Variants in TATDN1 observed in about 807,000 individuals in gnomAD.
TATDN1 encodes TatD DNase domain containing 1, also known as deoxyribonuclease TATDN1.
In TATDN1, 40 loss-of-function variants were observed where a neutral mutation model predicts 46.4. The ratio of observed to expected loss-of-function variants is 0.86; its 90% CI spans 0.67 to 1.12. The LOEUF is 1.12. TATDN1 is among the 50% of genes most tolerant of loss of function. The probability of loss-of-function intolerance (pLI) is 0.00; values close to 1 mark genes in which losing one functional copy is unlikely to be tolerated. For synonymous variants in TATDN1, 95 were observed against 105.6 expected (o/e 0.90, Z 0.62); for missense variants, 326 against 348.4 (o/e 0.94, Z 0.51).
intron 1 of TATDN1, among the ~76,000 whole-genome samples, chr8:124,531,531 C>T (rs1251278548): frequency 4.6e-5 from 7 of 152,010 alleles, no homozygotes; most frequent in African/African-American, 1.5e-4. Context: ...GTGGGAACAC[C>T]CTAGATAGGA....
chr8:124,536,590 G>A (rs796530328), intron 1 of TATDN1, among the ~76,000 whole-genome samples: 3 of 152,300 alleles, frequency 2.0e-5, no homozygotes, highest in African/African-American at 7.2e-5. Context: ...CTAAGGGGCA[G>A]CCACTTGTTA....
intron 9 of TATDN1, among the ~76,000 whole-genome samples, chr8:124,499,738 G>GT (rs1358693761): frequency 2.0e-5 from 3 of 151,356 alleles, no homozygotes; most frequent in Non-Finnish European, 4.4e-5. Flanking sequence ...TAGAGACAGG[G>GT]TTTCACTTTG....
At chr8:124,515,598 T>G in intron 6 of TATDN1, 148 bp downstream of exon 6, 1 of 679,608 alleles carries the variant, frequency 1.5e-6, no homozygotes, top group Non-Finnish European at 2.5e-6. Context: ...CAAGTATGCA[T>G]GGAATTTGTT....
chr8:124,518,786 T>C (rs76737368), intron 4 of TATDN1, 32 bp downstream of exon 4: 12 of 1,046,380 alleles, frequency 1.1e-5, no homozygotes, highest in East Asian at 6.3e-5. Context: ...ACTTAATTCA[T>C]TTTTTTTTTG....
At chr8:124,504,571 T>C (rs1021823637) in intron 8 of TATDN1, 46 of 330,428 alleles carry the variant, frequency 1.4e-4, no homozygotes, top group African/African-American at 9.4e-4. Context: ...CTGCCGAGAA[T>C]TTCTCTCTTT....
intron 1 of TATDN1, among the ~76,000 whole-genome samples, chr8:124,531,708 C>A (rs1820973535): frequency 6.6e-6 from 1 of 151,992 alleles, no homozygotes; most frequent in African/African-American, 2.4e-5. Context: ...TTAAGGGACC[C>A]TAGGGGAGAG....
chr8:124,494,133 A>G (rs1353489619), intron 10 of TATDN1, 174 bp from the exon 11 acceptor site: 3 of 537,452 alleles, frequency 5.6e-6, no homozygotes, highest in Non-Finnish European at 9.2e-6. Context: ...CTTGAATTGC[A>G]TCTTAAATAC....
intron 1 of TATDN1, among the ~76,000 whole-genome samples, chr8:124,534,144 T>TC (rs1821220129): frequency 4.7e-5 from 1 of 21,190 alleles, no homozygotes. Flanking sequence ...AGACTCCGTC[T>TC]CAAAAAAAAA....
intron 1 of TATDN1, among the ~76,000 whole-genome samples, chr8:124,529,392 A>C (rs1251253731): frequency 6.6e-6 from 1 of 152,162 alleles, no homozygotes; most frequent in Non-Finnish European, 1.5e-5. Context: ...GCCAACACAG[A>C]CCTTTTAGTT....
rs1231042493 is a variant in TATDN1 at position 124,495,368 on chromosome 8, TA to T, written c.664+103del. The T allele has an allele frequency of 4.8e-6, 4 of 832,654 alleles. No homozygotes were observed. In the African/African-American group the frequency reaches 5.2e-5, roughly 11 times the overall value. The allele number at this position is 832,654 out of a possible 1,614,324, so 51.6% of individuals were successfully genotyped here. ...ATTGTTGAGGTTGAGCATGCTGTTT[TA>T]AAATACTTGTTCACTTAAAGTTTGA... On this transcript the variant is annotated intron_variant, in intron 10 of 11. Coordinates refer to ENST00000276692, the MANE Select transcript of TATDN1 (RefSeq NM_032026.4).
chr8:124,530,101 C>G (rs1820833831), intron 1 of TATDN1, among the ~76,000 whole-genome samples: 2 of 151,468 alleles, frequency 1.3e-5, no homozygotes, highest in South Asian at 4.2e-4. Context: ...AAAAAAAAAC[C>G]ATAAAAAACC....
chr8:124,528,974 C>T (rs1820731563), intron 1 of TATDN1, among the ~76,000 whole-genome samples: 1 of 152,218 alleles, frequency 6.6e-6, no homozygotes, highest in Non-Finnish European at 1.5e-5. Flanking sequence ...CTGGGCCCCA[C>T]AGTGAAGGTT....
At chr8:124,497,006 AC>A (rs1817520475) in intron 9 of TATDN1, among the ~76,000 whole-genome samples, 1 of 152,068 alleles carries the variant, frequency 6.6e-6, no homozygotes, top group Non-Finnish European at 1.5e-5. Context: ...TTTAAGAAAA[AC>A]CCAAATCTTC....
chr8:124,511,625 T>C lies in TATDN1; in HGVS notation c.390-2937A>G, dbSNP rs548802106. On this transcript the variant is annotated intron_variant, in intron 6 of 11. Transcript: ENST00000276692. Reference sequence around the variant, plus strand: ...ACTTTCCATAAGTAGATCAGGCCTTTCCTTGTTTTCACTCTTTGCTTCTCT... The same window carrying C: ...ACTTTCCATAAGTAGATCAGGCCTTCCCTTGTTTTCACTCTTTGCTTCTCT... 2.6e-5 allele frequency among the ~76,000 whole-genome samples: 4 copies of C among 152,296 alleles called. No individual in the cohort carries two copies. The South Asian group carries it at 8.3e-4, about 32-fold the overall frequency.
At position 124,533,225 on chromosome 8, in the gene TATDN1, C is replaced by T. The variant is rs184309192; in HGVS notation, c.22+5800G>A. 4.0e-3 allele frequency among the ~76,000 whole-genome samples: 601 copies of T among 150,794 alleles called. 6 individuals are homozygous for T. The highest frequency in any genetic ancestry group is 8.8e-3 in the Admixed American group (134 of 15,184). Reference sequence around the variant, plus strand: ...CAAGATGGCGCCACTGCACTACAGCCTGGGCGACAGAGTGAGACTCTGTCT... The same window carrying T: ...CAAGATGGCGCCACTGCACTACAGCTTGGGCGACAGAGTGAGACTCTGTCT... On this transcript the variant is annotated intron_variant, in intron 1 of 11. Coordinates refer to ENST00000276692, the MANE Select transcript of TATDN1 (RefSeq NM_032026.4).
At chr8:124,505,378 C>A (rs927885947) in intron 8 of TATDN1, among the ~76,000 whole-genome samples, 1 of 151,658 alleles carries the variant, frequency 6.6e-6, no homozygotes, top group African/African-American at 2.4e-5. Context: ...GAGTAAAACT[C>A]TGTCTCAAAA....
chr8:124,500,753 T>TA (rs34661601), intron 9 of TATDN1, among the ~76,000 whole-genome samples: 10,308 of 140,164 alleles, frequency 0.074, 363 homozygotes, highest in Middle Eastern at 0.084. Context: ...CCCCTTCTCT[T>TA]AAAAAAAAAA....
chr8:124,510,520 A>G (rs1363271476), intron 6 of TATDN1, among the ~76,000 whole-genome samples: 1 of 152,172 alleles, frequency 6.6e-6, no homozygotes, highest in East Asian at 1.9e-4. Context: ...GCAAAAGTAC[A>G]GTTTATGAAA....
At chr8:124,498,058 T>C (rs1817637298) in intron 9 of TATDN1, among the ~76,000 whole-genome samples, 1 of 152,204 alleles carries the variant, frequency 6.6e-6, no homozygotes, top group South Asian at 2.1e-4. Context: ...CTATGTTGGG[T>C]CGCACTGGGG....
Sources: gnomAD v4.1 joint callset for allele counts (sites outside exome capture counted in the v4.1 genomes callset) on GRCh38, gnomAD v4.1.1 for gene constraint, MANE v1.5 for transcripts, NCBI Gene and HGNC (gene_info 2026-07-23, HGNC 2026-07-21) for gene names.